Variants in BABAM2 observed in about 807,000 individuals in gnomAD.
BABAM2 encodes the protein BRISC and BRCA1-A complex member 2.
A neutral mutation model predicts 54.7 loss-of-function variants in BABAM2; 31 were observed. That is an observed-to-expected ratio of 0.57 (90% CI 0.43 to 0.77). The LOEUF is 0.77. Among genes scored for constraint, BABAM2 ranks in the 30% least tolerant of loss-of-function variants. The probability of loss-of-function intolerance (pLI) is 0.00; values close to 1 mark genes in which losing one functional copy is unlikely to be tolerated. For synonymous variants in BABAM2, 167 were observed against 162.9 expected (o/e 1.03, Z -0.19); for missense variants, 364 against 455.8 (o/e 0.80, Z 1.83).
chr2:28,078,656 T>C (rs1197898228), intron 6 of BABAM2, among the ~76,000 whole-genome samples: 1 of 151,478 alleles, frequency 6.6e-6, no homozygotes, highest in Non-Finnish European at 1.5e-5. Flanking sequence ...GGGATTAGAG[T>C]GGGGTATAGG....
chr2:28,312,688 G>A (rs901696023), intron 11 of BABAM2, among the ~76,000 whole-genome samples: 2 of 152,006 alleles, frequency 1.3e-5, no homozygotes, highest in African/African-American at 2.4e-5. Context: ...GACTAAGTAG[G>A]AATGCATCCT....
chr2:28,073,352 G>T (rs1664346101), intron 6 of BABAM2, among the ~76,000 whole-genome samples: 1 of 152,134 alleles, frequency 6.6e-6, no homozygotes, highest in Non-Finnish European at 1.5e-5. Context: ...ATTTTAATTA[G>T]CCAGTTGTCG....
chr2:27,918,785 C>T (rs1459241782), intron 2 of BABAM2, among the ~76,000 whole-genome samples: 2 of 152,038 alleles, frequency 1.3e-5, no homozygotes, highest in African/African-American at 4.8e-5. Context: ...ACCTCCCTGG[C>T]TCAGGCGATC....
At chr2:28,199,353 T>C (rs1677998791) in intron 7 of BABAM2, among the ~76,000 whole-genome samples, 1 of 152,204 alleles carries the variant, frequency 6.6e-6, no homozygotes, top group Admixed American at 6.5e-5. Flanking sequence ...CACCTAGCCC[T>C]TCCTGTTCCC....
intron 7 of BABAM2, among the ~76,000 whole-genome samples, chr2:28,145,643 G>A (rs1487370411): frequency 6.6e-6 from 1 of 152,036 alleles, no homozygotes; most frequent in African/African-American, 2.4e-5. Context: ...CAGTATATTT[G>A]CAGAGTTGTG....
In BABAM2 at chr2:28,103,519, G is replaced by A. The variant is rs1381876362; in HGVS notation, c.571-25752G>A. ...AGATGGGGTTTTGCCATGTTGCCCAGGCTGGCCTCGAACTCCAGGGTTCAA... is the reference window on the plus strand; with the variant it reads ...AGATGGGGTTTTGCCATGTTGCCCAAGCTGGCCTCGAACTCCAGGGTTCAA... On this transcript the variant is annotated intron_variant, in intron 6 of 11. Coordinates refer to ENST00000379624, the MANE Select transcript of BABAM2 (RefSeq NM_199191.3). Among the ~76,000 whole-genome samples the A allele has an allele frequency of 2.0e-5, 3 of 152,068 alleles. No homozygotes were observed. The South Asian group carries it at 6.2e-4, about 32-fold the overall frequency.
chr2:28,208,643 CCTTTCTTTT>C (rs1361670843), intron 7 of BABAM2, among the ~76,000 whole-genome samples: 2 of 139,128 alleles, frequency 1.4e-5, no homozygotes, highest in African/African-American at 5.2e-5. Context: ...TTCTTTCTTT[CCTTTCTTTT>C]CTTTCCTTTC....
intron 11 of BABAM2, among the ~76,000 whole-genome samples, chr2:28,315,668 T>A (rs964336082): frequency 2.7e-5 from 4 of 150,896 alleles, no homozygotes; most frequent in South Asian, 2.1e-4. Flanking sequence ...TTTTTTATTT[T>A]TTTTTTTAGA....
intron 6 of BABAM2, among the ~76,000 whole-genome samples, chr2:28,066,892 G>A (rs995175688): frequency 6.6e-6 from 1 of 152,172 alleles, no homozygotes; most frequent in South Asian, 2.1e-4. Flanking sequence ...TATCTCCACC[G>A]TTTGAAGGTA....
chr2:28,013,625 T>C (rs1674564754), intron 4 of BABAM2, among the ~76,000 whole-genome samples: 1 of 149,006 alleles, frequency 6.7e-6, no homozygotes, highest in South Asian at 2.1e-4. Context: ...TTTCATTGGT[T>C]GTAAGCCAGG....
chr2:28,113,502 G>T (rs1428368687), intron 6 of BABAM2, among the ~76,000 whole-genome samples: 1 of 152,088 alleles, frequency 6.6e-6, no homozygotes, highest in Admixed American at 6.5e-5. Flanking sequence ...CTGTTCCATT[G>T]GTCTGTATAT....
intron 11 of BABAM2, among the ~76,000 whole-genome samples, chr2:28,301,682 G>T (rs557710163): frequency 6.6e-6 from 1 of 152,098 alleles, no homozygotes; most frequent in African/African-American, 2.4e-5. Flanking sequence ...TCTCCCATAT[G>T]GGTTTTCCCA....
At chr2:28,034,963 C>T (rs767498154) in intron 5 of BABAM2, among the ~76,000 whole-genome samples, 6 of 152,054 alleles carry the variant, frequency 3.9e-5, no homozygotes, top group Non-Finnish European at 7.4e-5. Context: ...CTGTCCAATA[C>T]AGGAGCTTCT....
At chr2:28,255,901 A>T (rs1220423447) in intron 10 of BABAM2, among the ~76,000 whole-genome samples, 4 of 152,074 alleles carry the variant, frequency 2.6e-5, no homozygotes, top group Non-Finnish European at 5.9e-5. Flanking sequence ...TCTGAGCTGA[A>T]GTGATCCGCC....
chr2:28,245,017 C>T (rs929246215), intron 10 of BABAM2, among the ~76,000 whole-genome samples, 155 bp downstream of exon 10: 4 of 151,988 alleles, frequency 2.6e-5, no homozygotes, highest in African/African-American at 4.8e-5. Flanking sequence ...GAGAAAATAT[C>T]TCTAGGCCGG....
intron 10 of BABAM2, among the ~76,000 whole-genome samples, chr2:28,267,957 G>A (rs1685122455): frequency 6.6e-6 from 1 of 152,220 alleles, no homozygotes; most frequent in South Asian, 2.1e-4. Context: ...TGGATAAATA[G>A]TGTCAAATTT....
chr2:28,323,650 C>T (rs1690210533), intron 11 of BABAM2, among the ~76,000 whole-genome samples: 1 of 152,138 alleles, frequency 6.6e-6, no homozygotes. Flanking sequence ...GTGCCAAGTC[C>T]ACAGTTTGAC....
intron 11 of BABAM2, among the ~76,000 whole-genome samples, chr2:28,315,720 T>G (rs1572403555): frequency 1.3e-5 from 2 of 151,918 alleles, no homozygotes; most frequent in African/African-American, 4.8e-5. Context: ...CTTTAACTCC[T>G]GGGCTCAATC....
chr2:28,035,487 A>G (rs1676599780), intron 5 of BABAM2, among the ~76,000 whole-genome samples: 1 of 152,106 alleles, frequency 6.6e-6, no homozygotes. Flanking sequence ...GGCATTTGAC[A>G]TGGGGATTAA....
Sources: gnomAD v4.1 joint callset for allele counts (sites outside exome capture counted in the v4.1 genomes callset) on GRCh38, gnomAD v4.1.1 for gene constraint, MANE v1.5 for transcripts, NCBI Gene and HGNC (gene_info 2026-07-23, HGNC 2026-07-21) for gene names.